The following KIAA0319L variants were observed in gnomAD, a reference collection of about 807,000 sequenced individuals.
The protein encoded by KIAA0319L is dyslexia-associated protein KIAA0319-like protein.
Under a neutral mutation model 120.1 loss-of-function variants are expected in KIAA0319L, and 55 were observed. The observed-to-expected ratio is 0.46, with a 90% CI of 0.37 to 0.57. The LOEUF (loss-of-function observed/expected upper bound fraction) is 0.57. Ranked by LOEUF, KIAA0319L falls within the 20% of genes least tolerant of loss-of-function variation. The probability of loss-of-function intolerance (pLI) is 0.00; values close to 1 mark genes in which losing one functional copy is unlikely to be tolerated. For missense variants in KIAA0319L, 1,049 were observed against 1,255.3 expected (o/e 0.84, Z 2.48); for synonymous variants, 398 against 471.9 (o/e 0.84, Z 2.03).
intron 3 of KIAA0319L, among the ~76,000 whole-genome samples, chr1:35,493,720 T>C (rs994530130): frequency 2.0e-5 from 3 of 151,792 alleles, no homozygotes; most frequent in Non-Finnish European, 4.4e-5. Flanking sequence ...GAGTACACAT[T>C]TGTAGTCCCA....
chr1:35,435,150 C>T (rs1452970878), intron 20 of KIAA0319L, 69 bp from the exon 21 acceptor site: 2 of 1,424,604 alleles, frequency 1.4e-6, no homozygotes, highest in Non-Finnish European at 1.9e-6. Flanking sequence ...CCACACCTTA[C>T]CCCAGCCTGA....
chr1:35,512,780 A>T (rs529214840), intron 2 of KIAA0319L, among the ~76,000 whole-genome samples: 2 of 151,396 alleles, frequency 1.3e-5, no homozygotes, highest in Admixed American at 1.3e-4. Context: ...GAGGCAGGAG[A>T]ATCACTTGCC....
chr1:35,548,660 A>G (rs939692202), intron 2 of KIAA0319L, among the ~76,000 whole-genome samples: 10 of 152,170 alleles, frequency 6.6e-5, no homozygotes, highest in Non-Finnish European at 1.0e-4. Flanking sequence ...TCAATGGATT[A>G]AAGTGCATCA....
intron 3 of KIAA0319L, among the ~76,000 whole-genome samples, chr1:35,484,801 TATATA>T (rs201539010): frequency 0.18 from 7,972 of 45,442 alleles, 518 homozygotes; most frequent in East Asian, 0.21. Flanking sequence ...TATATATATA[TATATA>T]TTTTTTTTTT....
rs370900896 is a variant in KIAA0319L at position 35,554,468 on chromosome 1, C to T, written c.24G>A (p.Lys8=). 4 of 1,612,828 alleles carry T rather than the reference C, an allele frequency of 2.5e-6. No homozygotes were observed. The African/African-American group carries it at 5.3e-5, about 22-fold the overall frequency. The stretch of plus-strand genomic sequence containing the variant: ...ATAAAATCCAGGAAGCAGGATTTGG[C>T]TTGACTCCCAGCCTCTTCTCCATGG... The part of the protein sequence containing the change: MEKRLGV[K]PNPASWILSG... Residue 8 remains lysine, a synonymous_variant, in exon 2 of 21, where the codon AAG becomes AAA. Transcript: ENST00000325722.
At chr1:35,537,616 A>T (rs981896643) in intron 2 of KIAA0319L, among the ~76,000 whole-genome samples, 22 of 94,552 alleles carry the variant, frequency 2.3e-4, no homozygotes, top group Non-Finnish European at 3.2e-4. Flanking sequence ...AAGCGCCATT[A>T]AAAAAAAAAA....
chr1:35,490,900 C>T (rs1644567859), intron 3 of KIAA0319L, among the ~76,000 whole-genome samples: 1 of 152,178 alleles, frequency 6.6e-6, no homozygotes, highest in African/African-American at 2.4e-5. Flanking sequence ...GCACTTCCCA[C>T]TTGACTCTCT....
chr1:35,484,788 ATATATATATATATATATAT>A lies in KIAA0319L; in HGVS notation c.667-5595_667-5577del, dbSNP rs1345007587. ...TAATCATATATATATATATATATAT[ATATATATATATATATATAT>A]TTTTTTTTTTATTATACTCTAAGTT... On this transcript the variant is annotated intron_variant, in intron 3 of 20. Transcript: ENST00000325722. Among the ~76,000 whole-genome samples the A allele has an allele frequency of 7.4e-3, 440 of 59,572 alleles. 9 individuals are homozygous for A. Among genetic ancestry groups the A allele is most frequent in the African/African-American group, 0.014 (217 of 15,682 alleles). The allele number at this position is 59,572 out of a possible 152,430, so 39.1% of individuals were successfully genotyped here.
chr1:35,505,980 A>G (rs1645190147), intron 3 of KIAA0319L, among the ~76,000 whole-genome samples: 1 of 152,250 alleles, frequency 6.6e-6, no homozygotes, highest in Non-Finnish European at 1.5e-5. Context: ...AAGACTGAGC[A>G]GAGAGTGAGT....
Position 35,554,511 on chromosome 1 carries a change from A to T in KIAA0319L, c.-20T>A. ...CTCCATGGCCCTCCAGACAGGCAGAACCAGTACACTAGAAGGACAGAAAGA... is the reference window on the plus strand; with the variant it reads ...CTCCATGGCCCTCCAGACAGGCAGATCCAGTACACTAGAAGGACAGAAAGA... On this transcript the variant is annotated 5_prime_UTR_variant, in exon 2 of 21. Coordinates refer to ENST00000325722, the MANE Select transcript of KIAA0319L (RefSeq NM_024874.5). The T allele has an allele frequency of 6.3e-7, 1 of 1,578,266 alleles. No individual in the cohort carries two copies. The highest frequency in any genetic ancestry group is 8.6e-7 in the Non-Finnish European group (1 of 1,166,538).
intron 2 of KIAA0319L, among the ~76,000 whole-genome samples, chr1:35,528,962 C>T (rs1646258959): frequency 6.6e-6 from 1 of 152,090 alleles, no homozygotes; most frequent in East Asian, 1.9e-4. Context: ...GTATTTTTTT[C>T]CATCCCTTTA....
chr1:35,468,949 A>G (rs573884055), intron 6 of KIAA0319L, among the ~76,000 whole-genome samples: 3 of 152,318 alleles, frequency 2.0e-5, no homozygotes, highest in Admixed American at 2.0e-4. Flanking sequence ...ACATCCTGGG[A>G]TTGTTACGAA....
Position 35,435,106 on chromosome 1 carries a change from C to T in KIAA0319L, c.2963-25G>A, listed in dbSNP as rs756516251. ...CCTGCAGGGAAAACAAGGAATCCAG[C>T]ATCAGGAGACTGGCCTCAAGGCTGG... On this transcript the variant is annotated intron_variant, in intron 20 of 20. Coordinates refer to ENST00000325722, the MANE Select transcript of KIAA0319L (RefSeq NM_024874.5). The T allele has an allele frequency of 3.1e-6, 5 of 1,605,820 alleles. No individual in the cohort carries two copies. In the East Asian group the frequency reaches 1.1e-4, roughly 36 times the overall value.
At position 35,462,522 on chromosome 1, in the gene KIAA0319L, G is replaced by C. The variant is rs996401735; in HGVS notation, c.1294+99C>G. On this transcript the variant is annotated intron_variant, in intron 8 of 20. Coordinates refer to ENST00000325722, the MANE Select transcript of KIAA0319L (RefSeq NM_024874.5). ...ATGGTCAAGATGACTGGCCTAAACA[G>C]AACGCAGACACAGCTGGCCCCAAAT... 4.1e-5 allele frequency: 40 copies of C among 974,254 alleles called. 2 individuals carry two copies. Among genetic ancestry groups the C allele is most frequent in the South Asian group, 3.4e-4 (24 of 70,826 alleles). The allele number at this position is 974,254 out of a possible 1,614,324, so 60.4% of individuals were successfully genotyped here.
intron 19 of KIAA0319L, 90 bp downstream of exon 19, chr1:35,442,156 T>C: frequency 2.1e-6 from 2 of 947,866 alleles, no homozygotes; most frequent in Non-Finnish European, 3.5e-6. Context: ...CCCAGCCCAG[T>C]CCTTCCACGT....
At chr1:35,496,893 G>A (rs1221952202) in intron 3 of KIAA0319L, among the ~76,000 whole-genome samples, 1 of 139,060 alleles carries the variant, frequency 7.2e-6, no homozygotes, top group African/African-American at 2.8e-5. Context: ...GCTGCGGAGA[G>A]CAGAAATAGT....
At chr1:35,526,419 A>G (rs1211310543) in intron 2 of KIAA0319L, among the ~76,000 whole-genome samples, 3 of 143,466 alleles carry the variant, frequency 2.1e-5, no homozygotes, top group Non-Finnish European at 4.5e-5. Context: ...ATACACACAT[A>G]CATATATATA....
At chr1:35,497,038 C>G (rs1644837198) in intron 3 of KIAA0319L, among the ~76,000 whole-genome samples, 1 of 142,404 alleles carries the variant, frequency 7.0e-6, no homozygotes, top group South Asian at 2.3e-4. Context: ...AGAACCTAAA[C>G]ACAAAAGACT....
Position 35,453,554 on chromosome 1 carries a change from C to CA in KIAA0319L, c.1913+2dup. ...AAAATAAGGATTTTGTGTCAATACT[C>CA]ACTGTGTTTTTTCCCAGAGATATGA... On this transcript the variant is annotated splice_region_variant and intron_variant, in intron 12 of 20. Transcript: ENST00000325722. This position sits in a 1 kb window ranked among gnomAD's most constrained non-coding sequence, Gnocchi z 4.1. 1.2e-6 allele frequency: 2 copies of CA among 1,613,974 alleles called. No homozygotes were observed. The highest frequency in any genetic ancestry group is 8.5e-7 in the Non-Finnish European group (1 of 1,179,892).
Sources: gnomAD v4.1 joint callset for allele counts (sites outside exome capture counted in the v4.1 genomes callset) on GRCh38, gnomAD v4.1.1 for gene constraint, Gnocchi (gnomAD v3.1) non-coding constraint, MANE v1.5 for transcripts, NCBI Gene and HGNC (gene_info 2026-07-23, HGNC 2026-07-21) for gene names.